The following STRBP variants were observed in gnomAD, a reference collection of about 807,000 sequenced individuals.
STRBP encodes spermatid perinuclear RNA-binding protein.
STRBP carries 13 observed loss-of-function variants against 80.1 expected under a neutral mutation model. That is an observed-to-expected ratio of 0.16 (90% CI 0.11 to 0.26). The LOEUF is 0.26. Ranked by LOEUF, STRBP falls within the 10% of genes least tolerant of loss-of-function variation. The pLI, the probability that STRBP is intolerant of heterozygous loss-of-function variation, is 1.00. For synonymous variants in STRBP, 284 were observed against 291.2 expected, an observed-to-expected ratio of 0.98 and a Z score of 0.25; for missense variants, 485 against 815.2, an observed-to-expected ratio of 0.59 and a Z score of 4.93.
At chr9:123,139,708 T>C in intron 13 of STRBP, 21 bp from the exon 14 acceptor site, 12 of 1,601,944 alleles carry the variant, frequency 7.5e-6, no homozygotes, top group East Asian at 2.2e-5. Context: ...TACATTAAAA[T>C]GCAGTTTTAT....
chr9:123,215,098 A>C (rs962819452), intron 2 of STRBP, among the ~76,000 whole-genome samples: 2 of 151,388 alleles, frequency 1.3e-5, no homozygotes, highest in Non-Finnish European at 2.9e-5. Flanking sequence ...ATGGGCTCTT[A>C]CTCTGTCACC....
intron 4 of STRBP, 64 bp from the exon 5 acceptor site, chr9:123,173,906 A>G: frequency 6.6e-7 from 1 of 1,513,656 alleles, no homozygotes; most frequent in Non-Finnish European, 8.9e-7. Flanking sequence ...CTTAATCATC[A>G]CTTGGCTTCC....
At chr9:123,131,761 T>C (rs1424273748) in intron 17 of STRBP, among the ~76,000 whole-genome samples, 1 of 152,240 alleles carries the variant, frequency 6.6e-6, no homozygotes, top group Non-Finnish European at 1.5e-5. Context: ...ATGTCTGCTG[T>C]GTGCCAAAGC....
At chr9:123,151,472 A>G (rs994020761) in intron 11 of STRBP, among the ~76,000 whole-genome samples, 1 of 152,222 alleles carries the variant, frequency 6.6e-6, no homozygotes. Flanking sequence ...AAGGACAGAA[A>G]TCATACAACA....
intron 3 of STRBP, chr9:123,114,855 C>T (rs945385707): frequency 5.0e-5 from 13 of 261,098 alleles, no homozygotes; most frequent in African/African-American, 2.0e-4. Flanking sequence ...ATCATCTTCC[C>T]GTCCCTACCC....
chr9:123,152,209 A>G (rs2037087418), intron 11 of STRBP, among the ~76,000 whole-genome samples: 1 of 152,160 alleles, frequency 6.6e-6, no homozygotes, highest in Non-Finnish European at 1.5e-5. Flanking sequence ...AATTCTTCCA[A>G]CAGTTAAAGA....
At chr9:123,206,731 C>T (rs927521199) in intron 2 of STRBP, among the ~76,000 whole-genome samples, 1 of 152,042 alleles carries the variant, frequency 6.6e-6, no homozygotes, top group East Asian at 1.9e-4. Context: ...CTCCGCCTCC[C>T]GGGTCCAAGT....
intron 1 of STRBP, among the ~76,000 whole-genome samples, chr9:123,258,800 C>CAAAA (rs56654612): frequency 9.9e-6 from 1 of 101,116 alleles, no homozygotes; most frequent in Non-Finnish European, 2.0e-5. Context: ...GACTCCGTCT[C>CAAAA]AAAAAAAAAA....
At chr9:123,129,787 TA>T (rs2036057934) in intron 17 of STRBP, among the ~76,000 whole-genome samples, 1 of 152,204 alleles carries the variant, frequency 6.6e-6, no homozygotes, top group South Asian at 2.1e-4. Flanking sequence ...GCTGAAGAAG[TA>T]AACTGCTTTT....
At chr9:123,220,265 CATT>C (rs1181083214) in intron 2 of STRBP, among the ~76,000 whole-genome samples, 2 of 152,194 alleles carry the variant, frequency 1.3e-5, no homozygotes, top group African/African-American at 2.4e-5. Flanking sequence ...GCAATTTCAT[CATT>C]GTGTGACATC....
At chr9:123,215,784 C>CA (rs2039877202) in intron 2 of STRBP, among the ~76,000 whole-genome samples, 1 of 151,968 alleles carries the variant, frequency 6.6e-6, no homozygotes, top group Non-Finnish European at 1.5e-5. Context: ...AACTCCATCT[C>CA]AAAAAAATAA....
rs1056462970 is a variant in STRBP at position 123,184,257 on chromosome 9, T to G, written c.-123A>C. On this transcript the variant is annotated 5_prime_UTR_variant, in exon 3 of 19. Transcript: ENST00000348403. The stretch of plus-strand genomic sequence containing the variant: ...GCCTGAGTCCCCTGACAGCTCAGCG[T>G]CAATATAGCAAATGTCTGAAGGCTT... 15 of 873,050 alleles carry G rather than the reference T, an allele frequency of 1.7e-5. No homozygotes were observed. The highest frequency in any genetic ancestry group is 2.6e-5 in the Non-Finnish European group (15 of 568,270). The allele number at this position is 873,050 out of a possible 1,614,324, so 54.1% of individuals were successfully genotyped here. A position where few individuals can be genotyped will look rare whatever the true frequency, so the allele number is the denominator to read the frequency against.
At chr9:123,212,172 G>A (rs1242959555) in intron 2 of STRBP, among the ~76,000 whole-genome samples, 1 of 152,076 alleles carries the variant, frequency 6.6e-6, no homozygotes. Context: ...AAATGCACGT[G>A]TATACATTTA....
At chr9:123,153,563 A>C (rs933196477) in intron 11 of STRBP, among the ~76,000 whole-genome samples, 6 of 152,206 alleles carry the variant, frequency 3.9e-5, no homozygotes, top group African/African-American at 1.4e-4. Flanking sequence ...ATTCAAGGGC[A>C]ACTCAGAGAA....
intron 3 of STRBP, chr9:123,114,721 C>T (rs747902944): frequency 1.6e-5 from 3 of 187,360 alleles, no homozygotes; most frequent in South Asian, 1.6e-4. Context: ...TGCCTTCCCC[C>T]GTCCTGGTCA....
intron 3 of STRBP, chr9:123,112,743 G>C (rs928598039): frequency 4.2e-5 from 7 of 167,198 alleles, no homozygotes; most frequent in African/African-American, 1.7e-4. Flanking sequence ...AGCCTCTGGA[G>C]ACGAGAGGCC....
rs773427030 is a variant in STRBP, at chr9:123,184,176, C to G, written c.-42G>C. ...TTAGCTTCTTTTTCCGATCCTTTCC[C>G]CTCTTTCTTGTCGTCTTCACTAGAC... On this transcript the variant is annotated 5_prime_UTR_variant, in exon 3 of 19. Coordinates refer to ENST00000348403, the MANE Select transcript of STRBP (RefSeq NM_018387.5). 5 of 1,605,394 alleles carry G rather than the reference C, an allele frequency of 3.1e-6. No individual in the cohort carries two copies. Among genetic ancestry groups the G allele is most frequent in the Non-Finnish European group, 4.3e-6 (5 of 1,174,948 alleles).
At position 123,123,807 on chromosome 9, in the gene STRBP, G is replaced by C; in HGVS notation, c.*1790C>G. 2.0e-6 allele frequency: 2 copies of C among 985,290 alleles called. No individual in the cohort carries two copies. Among genetic ancestry groups the C allele is most frequent in the Non-Finnish European group, 2.4e-6 (2 of 829,908 alleles). 61.0% of individuals were successfully genotyped at this position (985,290 alleles called of 1,614,324 possible). A position where few individuals can be genotyped will look rare whatever the true frequency, so the allele number is the denominator to read the frequency against. ...GTAAAGATTTAATTAATAAAAACTG[G>C]ACACTATCAGCCATGCTTTTTCTTC... On this transcript the variant is annotated 3_prime_UTR_variant, in exon 19 of 19. Coordinates refer to ENST00000348403, the MANE Select transcript of STRBP (RefSeq NM_018387.5).
Position 123,139,545 on chromosome 9 carries a change from G to A in STRBP, c.1481C>T (p.Thr494Ile). 1.2e-6 allele frequency: 2 copies of A among 1,610,454 alleles called. No individual in the cohort carries two copies. The highest frequency in any genetic ancestry group is 1.7e-6 in the Non-Finnish European group (2 of 1,179,002). ...SNNTGNSTTE[T>I]SSTLEVRTQG... is the part of the protein sequence containing the mutation. Reference sequence around the variant, plus strand: ...TAAGTATACCTCTAAGGTACTGGAGGTTTCAGTTGTAGAATTTCCAGTATT... The same window carrying A: ...TAAGTATACCTCTAAGGTACTGGAGATTTCAGTTGTAGAATTTCCAGTATT... The change falls in exon 14 of 19, where the codon ACC becomes ATC. Residue 494 changes from threonine (T) to isoleucine (I), a missense_variant. Thr to Ile is a moderately conservative substitution (Grantham distance 89). Transcript: ENST00000348403.
Sources: allele counts gnomAD v4.1 joint callset (sites outside exome capture counted in the v4.1 genomes callset), GRCh38; gene constraint gnomAD v4.1.1; transcripts MANE v1.5; gene names NCBI Gene and HGNC (gene_info 2026-07-23, HGNC 2026-07-21).